The following SLC71A2 variants were observed in gnomAD, a reference collection of about 807,000 sequenced individuals.
SLC71A2 encodes solute carrier family 71 member 2.
chr9:94,432,307 C>T, the SLC71A2 span, among the ~76,000 whole-genome samples: 1 of 151,526 alleles, frequency 6.6e-6, no homozygotes, highest in East Asian at 1.9e-4. Flanking sequence ...TTGAGACCAG[C>T]CTGACCAACA....
chr9:94,457,014 T>A, the SLC71A2 span, among the ~76,000 whole-genome samples: 1 of 134,450 alleles, frequency 7.4e-6, no homozygotes, highest in African/African-American at 2.8e-5. Flanking sequence ...TCACCCAGGC[T>A]GGAGTGTAGT....
chr9:94,434,471 C>T, the SLC71A2 span, among the ~76,000 whole-genome samples: 1 of 152,162 alleles, frequency 6.6e-6, no homozygotes, highest in Non-Finnish European at 1.5e-5. Flanking sequence ...CACACACCAC[C>T]ACACCTGGCT....
At chr9:94,416,349 T>TA in the SLC71A2 span, among the ~76,000 whole-genome samples, 11 of 151,816 alleles carry the variant, frequency 7.2e-5, no homozygotes, top group South Asian at 2.1e-4. Context: ...ACCCCATCTC[T>TA]AAAAAAACAA....
chr9:94,433,134 CTG>C, the SLC71A2 span: 44,334 of 272,982 alleles, frequency 0.16, 4,189 homozygotes, highest in African/African-American at 0.28. Context: ...CGCAGGGCCA[CTG>C]AGCAGCTTGC....
chr9:94,420,234 T>C, the SLC71A2 span, among the ~76,000 whole-genome samples: 2 of 152,158 alleles, frequency 1.3e-5, no homozygotes, highest in Non-Finnish European at 2.9e-5. Flanking sequence ...ACCTGTTATA[T>C]CCCTGGCCTA....
the SLC71A2 span, among the ~76,000 whole-genome samples, chr9:94,451,265 G>C: frequency 1.3e-5 from 2 of 152,230 alleles, no homozygotes; most frequent in Admixed American, 1.3e-4. Context: ...TTTAAGTTGT[G>C]CCTGCTTATA....
chr9:94,446,711 TGAC>T, the SLC71A2 span: 1 of 525,566 alleles, frequency 1.9e-6, no homozygotes, highest in East Asian at 3.1e-5. Flanking sequence ...ATTAACCATT[TGAC>T]TTTTGTTATT....
the SLC71A2 span, among the ~76,000 whole-genome samples, chr9:94,408,439 A>G: frequency 6.6e-6 from 1 of 152,152 alleles, no homozygotes; most frequent in African/African-American, 2.4e-5. Flanking sequence ...GTGAGTTAGA[A>G]AGTGCTCTCT....
At chr9:94,452,665 A>T in the SLC71A2 span, among the ~76,000 whole-genome samples, 1 of 49,080 alleles carries the variant, frequency 2.0e-5, no homozygotes, top group Non-Finnish European at 4.1e-5. Context: ...ATTCATATAT[A>T]TTCATATATA....
the SLC71A2 span, among the ~76,000 whole-genome samples, chr9:94,448,654 C>T: frequency 1.3e-5 from 2 of 152,142 alleles, no homozygotes; most frequent in East Asian, 1.9e-4. Flanking sequence ...TTATTGGAGA[C>T]AAGAGTCTTG....
At chr9:94,447,823 C>T in the SLC71A2 span, among the ~76,000 whole-genome samples, 128 of 152,270 alleles carry the variant, frequency 8.4e-4, 1 homozygote, top group African/African-American at 3.0e-3. Context: ...TTATGCTATG[C>T]CTGTTTATCT....
At chr9:94,399,153 A>G in the SLC71A2 span, among the ~76,000 whole-genome samples, 23 of 152,090 alleles carry the variant, frequency 1.5e-4, no homozygotes. Flanking sequence ...TTAACTACTC[A>G]GTCTGTACAG....
chr9:94,456,448 G>A, the SLC71A2 span: 1 of 759,144 alleles, frequency 1.3e-6, no homozygotes, highest in Admixed American at 2.0e-5. Flanking sequence ...ACAGCCATAT[G>A]GCCCCTTTTA....
the SLC71A2 span, chr9:94,440,892 G>GGTGCGTAA: frequency 1.5e-6 from 1 of 677,696 alleles, no homozygotes; most frequent in Non-Finnish European, 2.5e-6. Context: ...CTTATTTCTT[G>GGTGCGTAA]GTGCGTAATC....
the SLC71A2 span, among the ~76,000 whole-genome samples, chr9:94,408,642 A>G: frequency 5.3e-5 from 8 of 151,020 alleles, no homozygotes; most frequent in Non-Finnish European, 7.4e-5. Flanking sequence ...TTGTTGGCTA[A>G]TTGTCTATGA....
chr9:94,414,158 G>T, the SLC71A2 span, among the ~76,000 whole-genome samples: 2 of 152,192 alleles, frequency 1.3e-5, no homozygotes, highest in Non-Finnish European at 1.5e-5. Context: ...AGAGCAATTT[G>T]TAGCTCTTTG....
the SLC71A2 span, among the ~76,000 whole-genome samples, chr9:94,428,520 T>C: frequency 4.0e-5 from 6 of 151,152 alleles, no homozygotes; most frequent in East Asian, 1.2e-3. Flanking sequence ...TAAAGAGTCA[T>C]TTAAGGTTCA....
chr9:94,456,366 C>T, the SLC71A2 span: 1 of 1,575,886 alleles, frequency 6.3e-7, no homozygotes. Context: ...ACTTGTTTTT[C>T]TCCTTCAACG....
chr9:94,449,600 C>A, the SLC71A2 span, among the ~76,000 whole-genome samples: 1 of 152,196 alleles, frequency 6.6e-6, no homozygotes, highest in Non-Finnish European at 1.5e-5. Flanking sequence ...GTGGAGAAAT[C>A]GGAGCCCTCA....
Sources: allele counts gnomAD v4.1 joint callset (sites outside exome capture counted in the v4.1 genomes callset), GRCh38; gene constraint gnomAD v4.1.1; transcripts MANE v1.5; gene names NCBI Gene and HGNC (gene_info 2026-07-23, HGNC 2026-07-21).